The following CDH13 variants were observed in gnomAD, a reference collection of about 807,000 sequenced individuals.
CDH13 encodes cadherin-13.
Under a neutral mutation model 63.8 loss-of-function variants are expected in CDH13, and 24 were observed. That is an observed-to-expected ratio of 0.38 (90% CI 0.27 to 0.53). CDH13 has a LOEUF of 0.53. Ranked by LOEUF, CDH13 falls within the 20% of genes least tolerant of loss-of-function variation. The pLI, the probability that CDH13 is intolerant of heterozygous loss-of-function variation, is 0.85. For synonymous variants in CDH13, 503 were observed against 355.3 expected (o/e 1.42, Z -4.67); for missense variants, 1,049 against 903.1 (o/e 1.16, Z -2.07).
chr16:83,356,791 A>T (rs2091065373), intron 6 of CDH13, among the ~76,000 whole-genome samples: 1 of 152,154 alleles, frequency 6.6e-6, no homozygotes, highest in African/African-American at 2.4e-5. Context: ...TCATGAATTG[A>T]GTTTTTCAGT....
At chr16:83,563,248 A>G (rs1331400789) in intron 7 of CDH13, among the ~76,000 whole-genome samples, 3 of 152,346 alleles carry the variant, frequency 2.0e-5, no homozygotes, top group Admixed American at 6.5e-5. Context: ...GCATTACTAA[A>G]TTATGACTTT....
rs572637095 is a variant in CDH13 at position 83,457,887 on chromosome 16, A to G, written c.782-28590A>G. Among the ~76,000 whole-genome samples, 3 of 152,324 alleles carry G rather than the reference A, an allele frequency of 2.0e-5. No homozygotes were observed. In the South Asian group the frequency reaches 6.2e-4, roughly 32 times the overall value. Reference sequence around the variant, plus strand: ...ATGGCACCCTAAATTTGCATTTTCAAAAGCTCCCCAGGGAATTTTGCTTTT... The same window carrying G: ...ATGGCACCCTAAATTTGCATTTTCAGAAGCTCCCCAGGGAATTTTGCTTTT... On this transcript the variant is annotated intron_variant, in intron 6 of 13. Transcript: ENST00000567109.
At chr16:82,832,860 C>T (rs74549180) in intron 1 of CDH13, among the ~76,000 whole-genome samples, 255 of 152,328 alleles carry the variant, frequency 1.7e-3, no homozygotes, top group African/African-American at 5.7e-3. Flanking sequence ...CACCAAGGAA[C>T]ATAGGCAGAT....
chr16:83,048,820 G>A (rs542028564), intron 3 of CDH13, among the ~76,000 whole-genome samples: 14 of 152,028 alleles, frequency 9.2e-5, no homozygotes, highest in Admixed American at 7.9e-4. Flanking sequence ...GCCTCCAAAC[G>A]TGGTCAAATC....
At chr16:83,618,206 C>T (rs1453592000) in intron 8 of CDH13, among the ~76,000 whole-genome samples, 1 of 152,036 alleles carries the variant, frequency 6.6e-6, no homozygotes, top group Non-Finnish European at 1.5e-5. Context: ...GGGCTGATCG[C>T]CTAAGCTCAG....
chr16:83,075,499 G>C (rs977914432), intron 3 of CDH13, among the ~76,000 whole-genome samples: 4 of 152,170 alleles, frequency 2.6e-5, no homozygotes, highest in African/African-American at 9.7e-5. Context: ...TGATAAGATT[G>C]TTGTGGATGC....
chr16:83,783,947 GT>G (rs796435948), intron 13 of CDH13, among the ~76,000 whole-genome samples: 48 of 152,272 alleles, frequency 3.2e-4, no homozygotes, highest in African/African-American at 1.1e-3. Flanking sequence ...AATTTACACT[GT>G]TTTTTCACTG....
chr16:83,393,981 C>G lies in CDH13; in HGVS notation c.781+48975C>G, dbSNP rs1237634319. On this transcript the variant is annotated intron_variant, in intron 6 of 13. Transcript: ENST00000567109. ...TGGACCTGGAGGTCATTATCCTTAG[C>G]AAACTAAGGCAGGAACAGAAATCCA... 3.9e-5 allele frequency among the ~76,000 whole-genome samples: 6 copies of G among 152,118 alleles called. No individual in the cohort carries two copies. The East Asian group carries it at 9.7e-4, about 24-fold the overall frequency.
intron 5 of CDH13, among the ~76,000 whole-genome samples, chr16:83,274,724 G>T (rs918146237): frequency 6.7e-6 from 1 of 149,518 alleles, no homozygotes; most frequent in Non-Finnish European, 1.5e-5. Flanking sequence ...ACACCTGGTG[G>T]CAGGGGGGGT....
intron 1 of CDH13, among the ~76,000 whole-genome samples, chr16:82,647,088 C>A (rs1910183418): frequency 6.6e-6 from 1 of 152,190 alleles, no homozygotes; most frequent in African/African-American, 2.4e-5. Context: ...CAGTTTGAAG[C>A]CCAGCTCTGC....
intron 3 of CDH13, among the ~76,000 whole-genome samples, chr16:83,078,729 A>G (rs1428211965): frequency 6.6e-6 from 1 of 152,154 alleles, no homozygotes; most frequent in African/African-American, 2.4e-5. Flanking sequence ...AAAATGGGAA[A>G]TTTACCCAGT....
intron 2 of CDH13, among the ~76,000 whole-genome samples, chr16:82,983,149 A>G (rs1910502547): frequency 6.6e-6 from 1 of 152,170 alleles, no homozygotes; most frequent in South Asian, 2.1e-4. Flanking sequence ...GGAATCTTCA[A>G]ACTCATTCAA....
chr16:83,703,903 A>T (rs889837222), intron 10 of CDH13, among the ~76,000 whole-genome samples: 2 of 152,202 alleles, frequency 1.3e-5, no homozygotes, highest in Admixed American at 1.3e-4. Flanking sequence ...AGCCACCGTA[A>T]CATCCATTCA....
chr16:82,969,828 A>T lies in CDH13; in HGVS notation c.158-62182A>T, dbSNP rs191690857. 2.0e-3 allele frequency among the ~76,000 whole-genome samples: 304 copies of T among 152,278 alleles called. 1 individual carries two copies. The highest frequency in any genetic ancestry group is 0.017 in the Middle Eastern group (5 of 294). On this transcript the variant is annotated intron_variant, in intron 2 of 13. Coordinates refer to ENST00000567109, the MANE Select transcript of CDH13 (RefSeq NM_001257.5). The stretch of plus-strand genomic sequence containing the variant: ...ATGGACTGCCACAGCCAAAAACAAG[A>T]TGGCTAGCAAACTCTTCTCTCCAGG...
intron 4 of CDH13, among the ~76,000 whole-genome samples, chr16:83,132,680 G>C (rs78329328): frequency 6.6e-6 from 1 of 151,798 alleles, no homozygotes; most frequent in Non-Finnish European, 1.5e-5. Context: ...CATCTGCCTC[G>C]GCCTCCCAAA....
chr16:83,245,571 G>A (rs532823061), intron 5 of CDH13, among the ~76,000 whole-genome samples: 3 of 152,242 alleles, frequency 2.0e-5, no homozygotes, highest in African/African-American at 7.2e-5. Context: ...TGTAGTGAAG[G>A]GGTCATCTGT....
intron 8 of CDH13, among the ~76,000 whole-genome samples, chr16:83,609,168 C>T (rs573480745): frequency 9.9e-4 from 151 of 152,244 alleles, no homozygotes; most frequent in African/African-American, 3.2e-3. Flanking sequence ...TGTGAGCTGG[C>T]AGCATGCAGC....
intron 2 of CDH13, among the ~76,000 whole-genome samples, chr16:82,947,950 C>G (rs1287135464): frequency 6.6e-6 from 1 of 152,096 alleles, no homozygotes; most frequent in Non-Finnish European, 1.5e-5. Context: ...ATTCACTGGG[C>G]ATTTATTGTA....
At chr16:83,450,242 T>C (rs2072848117) in intron 6 of CDH13, among the ~76,000 whole-genome samples, 1 of 152,210 alleles carries the variant, frequency 6.6e-6, no homozygotes, top group African/African-American at 2.4e-5. Context: ...TAAGCCTGGA[T>C]GTTCTCTCTT....
Sources: gnomAD v4.1 joint callset for allele counts (sites outside exome capture counted in the v4.1 genomes callset) on GRCh38, gnomAD v4.1.1 for gene constraint, MANE v1.5 for transcripts, NCBI Gene and HGNC (gene_info 2026-07-23, HGNC 2026-07-21) for gene names.